The following RGS6 variants were observed in gnomAD, a reference collection of about 807,000 sequenced individuals.
RGS6 encodes regulator of G-protein signaling 6.
RGS6 carries 30 observed loss-of-function variants against 78.5 expected under a neutral mutation model. That is an observed-to-expected ratio of 0.38 (90% CI 0.29 to 0.52). The LOEUF is 0.52. Among genes scored for constraint, RGS6 ranks in the 20% least tolerant of loss-of-function variants. The probability of loss-of-function intolerance (pLI) is 0.85; values close to 1 mark genes in which losing one functional copy is unlikely to be tolerated. For missense variants in RGS6, 495 were observed against 609.7 expected (o/e 0.81, Z 1.98); for synonymous variants, 206 against 206.0 (o/e 1.00, Z 0.00).
At chr14:72,358,909 A>T (rs920866725) in intron 3 of RGS6, among the ~76,000 whole-genome samples, 1 of 152,228 alleles carries the variant, frequency 6.6e-6, no homozygotes, top group South Asian at 2.1e-4. Context: ...TGTAATTCCC[A>T]TAGTCCCCAT....
the RGS6 span, among the ~76,000 whole-genome samples, chr14:71,872,954 C>G: frequency 6.6e-6 from 1 of 152,194 alleles, no homozygotes; most frequent in East Asian, 1.9e-4. Context: ...ATCCATGACC[C>G]TACAAAGGAC....
chr14:72,444,046 C>A (rs1224544357), intron 3 of RGS6, among the ~76,000 whole-genome samples: 1 of 152,172 alleles, frequency 6.6e-6, no homozygotes, highest in Non-Finnish European at 1.5e-5. Flanking sequence ...TTTTGATTGA[C>A]AAAACTAATC....
chr14:72,473,082 T>G (rs1308919795), intron 9 of RGS6, 129 bp downstream of exon 9: 2 of 595,942 alleles, frequency 3.4e-6, no homozygotes. Flanking sequence ...TTTGTGGAAC[T>G]GGTTTCGCCA....
chr14:72,504,541 ACT>A (rs2096770799), intron 13 of RGS6, among the ~76,000 whole-genome samples: 2 of 152,058 alleles, frequency 1.3e-5, no homozygotes, highest in Admixed American at 1.3e-4. Context: ...TATGTCTAAA[ACT>A]CATCAGAATG....
intron 4 of RGS6, among the ~76,000 whole-genome samples, chr14:72,456,844 C>T (rs1293186618): frequency 1.3e-5 from 2 of 151,820 alleles, no homozygotes; most frequent in Non-Finnish European, 2.9e-5. Flanking sequence ...TTGGGAGGCT[C>T]AGCTGGGAGG....
At chr14:72,107,251 A>G (rs1403634300) in intron 2 of RGS6, among the ~76,000 whole-genome samples, 1 of 152,154 alleles carries the variant, frequency 6.6e-6, no homozygotes, top group Non-Finnish European at 1.5e-5. Context: ...AACAAAAAAA[A>G]AACATGAACT....
At chr14:72,352,001 C>T in intron 2 of RGS6, 94 bp from the exon 3 acceptor site, 2 of 845,250 alleles carry the variant, frequency 2.4e-6, no homozygotes, top group Non-Finnish European at 3.7e-6. Flanking sequence ...CTATTGTTGA[C>T]ATCCATGTTT....
intron 3 of RGS6, among the ~76,000 whole-genome samples, chr14:72,395,303 A>G (rs376997738): frequency 5.9e-5 from 9 of 152,320 alleles, no homozygotes; most frequent in African/African-American, 1.9e-4. Context: ...ACTCTTTCAA[A>G]GATTATGTAG....
chr14:72,211,155 A>G (rs888830048), intron 2 of RGS6, among the ~76,000 whole-genome samples: 1 of 152,232 alleles, frequency 6.6e-6, no homozygotes, highest in African/African-American at 2.4e-5. Context: ...TATTCAGAAA[A>G]GATGTCCAGA....
At chr14:72,231,437 G>A (rs1305573164) in intron 2 of RGS6, among the ~76,000 whole-genome samples, 1 of 152,250 alleles carries the variant, frequency 6.6e-6, no homozygotes, top group African/African-American at 2.4e-5. Context: ...CATTGATTAT[G>A]AGCCAGGAAC....
intron 17 of RGS6, among the ~76,000 whole-genome samples, chr14:72,543,664 ACT>A (rs1306629620): frequency 1.3e-5 from 2 of 151,942 alleles, no homozygotes; most frequent in African/African-American, 4.8e-5. Flanking sequence ...CTAGCCTGCC[ACT>A]CTCTGCTATC....
chr14:72,252,261 T>C (rs2055997111), intron 2 of RGS6, among the ~76,000 whole-genome samples: 1 of 152,150 alleles, frequency 6.6e-6, no homozygotes, highest in Non-Finnish European at 1.5e-5. Flanking sequence ...AGAAAAGGTT[T>C]TCAAAAAATC....
At chr14:72,386,335 C>T (rs2087979583) in intron 3 of RGS6, among the ~76,000 whole-genome samples, 3 of 152,130 alleles carry the variant, frequency 2.0e-5, no homozygotes, top group Middle Eastern at 3.4e-3. Context: ...CTCAGGAGTT[C>T]GAGACCAGCC....
the RGS6 span, among the ~76,000 whole-genome samples, chr14:72,588,327 C>G: frequency 6.6e-6 from 1 of 152,116 alleles, no homozygotes; most frequent in South Asian, 2.1e-4. Flanking sequence ...CCAGAAAGAC[C>G]TGGGAGGGAC....
At position 72,284,330 on chromosome 14, in the gene RGS6, C is replaced by T. The variant is rs150348426; in HGVS notation, c.85-67765C>T. On this transcript the variant is annotated intron_variant, in intron 2 of 17. Transcript: ENST00000553525. ...ATGTCAGATAACTTTGCTCCCATTA[C>T]AGGCCCAGAGGCCTAGGAGGAAAAA... Among the ~76,000 whole-genome samples the T allele has an allele frequency of 2.8e-3, 411 of 148,204 alleles. 1 individual carries two copies. Among genetic ancestry groups the T allele is most frequent in the African/African-American group, 9.8e-3 (402 of 40,996 alleles).
chr14:72,214,115 T>C (rs1360943596), intron 2 of RGS6, among the ~76,000 whole-genome samples: 2 of 151,940 alleles, frequency 1.3e-5, no homozygotes, highest in Non-Finnish European at 1.5e-5. Context: ...CTCATTTGGA[T>C]AGAGTATAAT....
the RGS6 span, among the ~76,000 whole-genome samples, chr14:72,628,946 GAT>G: frequency 2.0e-5 from 3 of 152,156 alleles, no homozygotes; most frequent in African/African-American, 7.2e-5. Flanking sequence ...TGCACCTACA[GAT>G]ATTTAAATAA....
chr14:72,162,668 T>G (rs188190118), intron 2 of RGS6, among the ~76,000 whole-genome samples: 25 of 152,086 alleles, frequency 1.6e-4, no homozygotes, highest in African/African-American at 5.8e-4. Context: ...GGAAAAGAAG[T>G]CATTATACGA....
At chr14:72,598,924 G>A in the RGS6 span, among the ~76,000 whole-genome samples, 1 of 152,220 alleles carries the variant, frequency 6.6e-6, no homozygotes, top group Non-Finnish European at 1.5e-5. Flanking sequence ...GGCACTGGGA[G>A]ACCCGGCGCA....
Sources: gnomAD v4.1 joint callset for allele counts (sites outside exome capture counted in the v4.1 genomes callset) on GRCh38, gnomAD v4.1.1 for gene constraint, MANE v1.5 for transcripts, NCBI Gene and HGNC (gene_info 2026-07-23, HGNC 2026-07-21) for gene names.